The following ARHGAP24 variants were observed in gnomAD, a reference collection of about 807,000 sequenced individuals.
The protein encoded by ARHGAP24 is rho GTPase-activating protein 24.
In ARHGAP24, 50 loss-of-function variants were observed where a neutral mutation model predicts 76.4. The ratio of observed to expected loss-of-function variants is 0.65; its 90% CI spans 0.52 to 0.83. The LOEUF (loss-of-function observed/expected upper bound fraction) is 0.83. ARHGAP24 is among the 40% of genes least tolerant of loss of function. The probability of loss-of-function intolerance (pLI) is 0.00; values close to 1 mark genes in which losing one functional copy is unlikely to be tolerated. For synonymous variants in ARHGAP24, 345 were observed against 323.3 expected, an observed-to-expected ratio of 1.07 and a Z score of -0.72; for missense variants, 930 against 914.2, an observed-to-expected ratio of 1.02 and a Z score of -0.22.
chr4:85,545,225 G>A (rs942915572), intron 1 of ARHGAP24, among the ~76,000 whole-genome samples: 3 of 151,668 alleles, frequency 2.0e-5, no homozygotes, highest in African/African-American at 7.3e-5. Flanking sequence ...TCAGCCTCCC[G>A]AGTAGCTGGG....
At chr4:85,800,157 G>C (rs1728518417) in intron 3 of ARHGAP24, among the ~76,000 whole-genome samples, 1 of 152,222 alleles carries the variant, frequency 6.6e-6, no homozygotes, top group Non-Finnish European at 1.5e-5. Context: ...TCAAGGATAT[G>C]TGAGATATTA....
intron 3 of ARHGAP24, among the ~76,000 whole-genome samples, chr4:85,839,651 A>T (rs140485081): frequency 1.3e-5 from 2 of 151,484 alleles, no homozygotes; most frequent in African/African-American, 2.4e-5. Flanking sequence ...GCATTTCACT[A>T]TGTTGGCCAG....
At chr4:85,701,690 C>A (rs1038354493) in intron 2 of ARHGAP24, among the ~76,000 whole-genome samples, 40 of 152,028 alleles carry the variant, frequency 2.6e-4, no homozygotes, top group African/African-American at 9.2e-4. Context: ...TTTCTTTTTA[C>A]AATTCAGAAT....
Position 86,000,491 on chromosome 4 carries a change from A to T in ARHGAP24, c.2016A>T (p.Arg672=). The change falls in exon 10 of 10, where the codon CGA becomes CGT. Residue 672 remains arginine (R), a synonymous_variant. Transcript: ENST00000395184. ...YESRIKSLEQ[R]NLTLETEMMS... is the part of the protein sequence containing the mutation. ...ACATCCTTTGTAGCTTAGAACAGCGAAACTTGACTTTGGAAACAGAAATGA... is the reference window on the plus strand; with the variant it reads ...ACATCCTTTGTAGCTTAGAACAGCGTAACTTGACTTTGGAAACAGAAATGA... The T allele has an allele frequency of 7.2e-7, 1 of 1,394,034 alleles. No homozygotes were observed. The highest frequency in any genetic ancestry group is 1.1e-5 in the South Asian group (1 of 88,320). 86.4% of individuals were successfully genotyped at this position (1,394,034 alleles called of 1,614,324 possible). A position where few individuals can be genotyped will look rare whatever the true frequency, so the allele number is the denominator to read the frequency against.
chr4:85,953,331 A>G (rs537730342), intron 5 of ARHGAP24, among the ~76,000 whole-genome samples: 15 of 152,334 alleles, frequency 9.8e-5, no homozygotes, highest in African/African-American at 3.4e-4. Flanking sequence ...GACTAAATAA[A>G]CTGCAAGTCC....
chr4:85,792,219 A>T (rs1728162753), intron 3 of ARHGAP24, among the ~76,000 whole-genome samples: 1 of 152,186 alleles, frequency 6.6e-6, no homozygotes, highest in Non-Finnish European at 1.5e-5. Flanking sequence ...TACTCCAATA[A>T]AAATCTAAAC....
At chr4:85,799,976 G>GA (rs1473142998) in intron 3 of ARHGAP24, among the ~76,000 whole-genome samples, 1 of 152,164 alleles carries the variant, frequency 6.6e-6, no homozygotes, top group East Asian at 1.9e-4. Context: ...GCAAAGACAG[G>GA]AATTGTCACA....
intron 3 of ARHGAP24, among the ~76,000 whole-genome samples, chr4:85,908,438 A>G (rs1734890635): frequency 6.6e-6 from 1 of 152,172 alleles, no homozygotes; most frequent in Non-Finnish European, 1.5e-5. Flanking sequence ...GTAGCATTAA[A>G]CTAGTTGTAA....
At chr4:85,500,584 TAGTC>T (rs774505615) in intron 1 of ARHGAP24, among the ~76,000 whole-genome samples, 7 of 152,234 alleles carry the variant, frequency 4.6e-5, no homozygotes, top group Non-Finnish European at 1.0e-4. Flanking sequence ...TAATTTATTT[TAGTC>T]AGGATTAACT....
intron 4 of ARHGAP24, among the ~76,000 whole-genome samples, chr4:85,935,938 G>A (rs1345983387): frequency 1.3e-5 from 2 of 152,168 alleles, no homozygotes; most frequent in African/African-American, 2.4e-5. Flanking sequence ...GAGCTCCTTG[G>A]AGTAAAGGAT....
At chr4:85,721,406 C>CG (rs1553925113) in intron 2 of ARHGAP24, among the ~76,000 whole-genome samples, 6 of 107,286 alleles carry the variant, frequency 5.6e-5, no homozygotes, top group Non-Finnish European at 1.1e-4. Flanking sequence ...AAAAAACAAA[C>CG]AAAAAAAAAA....
intron 1 of ARHGAP24, among the ~76,000 whole-genome samples, chr4:85,565,591 T>C (rs1222116216): frequency 6.6e-6 from 1 of 152,162 alleles, no homozygotes; most frequent in Non-Finnish European, 1.5e-5. Context: ...CCTTCACTCT[T>C]GCCCTGGGAG....
At chr4:85,634,357 A>T (rs1721247433) in intron 2 of ARHGAP24, among the ~76,000 whole-genome samples, 1 of 151,880 alleles carries the variant, frequency 6.6e-6, no homozygotes, top group Non-Finnish European at 1.5e-5. Flanking sequence ...TAAGATCATG[A>T]TAATAACAAA....
At chr4:85,875,539 ATT>A (rs1732859720) in intron 3 of ARHGAP24, among the ~76,000 whole-genome samples, 17 of 93,304 alleles carry the variant, frequency 1.8e-4, no homozygotes, top group African/African-American at 6.0e-4. Context: ...AATATATATT[ATT>A]TATATTTTAT....
chr4:85,570,727 T>C lies in ARHGAP24; in HGVS notation c.180+6T>C, dbSNP rs771045971. On this transcript the variant is annotated splice_donor_region_variant and intron_variant, in intron 2 of 9. Coordinates refer to ENST00000395184, the MANE Select transcript of ARHGAP24 (RefSeq NM_001025616.3). ...AAGATGAAACCAAGCCCTTGGTGAG[T>C]AGGAGAAAATGTAAAGCATTAAGGG... 2 of 1,613,754 alleles carry C rather than the reference T, an allele frequency of 1.2e-6. No individual in the cohort carries two copies. Among genetic ancestry groups the C allele is most frequent in the South Asian group, 1.1e-5 (1 of 91,060 alleles).
At chr4:85,731,017 CACACACACACAGAG>C (rs1383451027) in intron 3 of ARHGAP24, among the ~76,000 whole-genome samples, 4 of 133,288 alleles carry the variant, frequency 3.0e-5, no homozygotes, top group African/African-American at 8.2e-5. Flanking sequence ...CACACACACA[CACACACACACAGAG>C]AGAGAGACTG....
chr4:85,810,011 A>G lies in ARHGAP24; in HGVS notation c.268+88039A>G, dbSNP rs190261211. Among the ~76,000 whole-genome samples, 213 of 152,362 alleles carry G rather than the reference A, an allele frequency of 1.4e-3. 6 individuals carry two copies. In the East Asian group the frequency reaches 0.027, roughly 19 times the overall value. ...TCAATTTCCTCATTTGTAACATATT[A>G]TGAAATCATAAAATTGGATAACATG... On this transcript the variant is annotated intron_variant, in intron 3 of 9. Transcript: ENST00000395184.
intron 4 of ARHGAP24, among the ~76,000 whole-genome samples, chr4:85,926,992 T>C (rs1736054918): frequency 6.6e-6 from 1 of 152,142 alleles, no homozygotes. Context: ...TTTTTAAACA[T>C]ACAATAATTA....
chr4:85,485,296 C>T (rs1342026291), intron 1 of ARHGAP24, among the ~76,000 whole-genome samples: 4 of 126,988 alleles, frequency 3.1e-5, no homozygotes, highest in East Asian at 5.0e-4. Flanking sequence ...TGCAGTGAGC[C>T]GAGATCGCAC....
Sources: gnomAD v4.1 joint callset for allele counts (sites outside exome capture counted in the v4.1 genomes callset) on GRCh38, gnomAD v4.1.1 for gene constraint, MANE v1.5 for transcripts, NCBI Gene and HGNC (gene_info 2026-07-23, HGNC 2026-07-21) for gene names.